Variants in NAALADL2 observed in about 807,000 individuals in gnomAD.
NAALADL2 encodes the protein N-acetylated alpha-linked acidic dipeptidase like 2.
NAALADL2 carries 76 observed loss-of-function variants against 87.2 expected under a neutral mutation model. The observed-to-expected ratio is 0.87, with a 90% CI of 0.72 to 1.05. The LOEUF (loss-of-function observed/expected upper bound fraction) is 1.05, where lower values mean the gene tolerates loss of function less well. Among genes scored for constraint, NAALADL2 ranks in the 50% least tolerant of loss-of-function variants. The pLI, the probability that NAALADL2 is intolerant of heterozygous loss-of-function variation, is 0.00. For synonymous variants in NAALADL2, 354 were observed against 331.0 expected (o/e 1.07, Z -0.75); for missense variants, 1,089 against 945.8 (o/e 1.15, Z -1.99).
At chr3:174,487,504 G>A (rs532637981) in intron 1 of NAALADL2, among the ~76,000 whole-genome samples, 2 of 151,986 alleles carry the variant, frequency 1.3e-5, no homozygotes, top group African/African-American at 2.4e-5. Context: ...TTGATGTCAC[G>A]TGAAGTATAC....
intron 2 of NAALADL2, among the ~76,000 whole-genome samples, chr3:174,644,945 A>G (rs1723625441): frequency 6.6e-6 from 1 of 152,186 alleles, no homozygotes; most frequent in Admixed American, 6.5e-5. Flanking sequence ...GATACCTGAG[A>G]TAAGAGTTGT....
chr3:175,343,843 A>G (rs1762854378), intron 5 of NAALADL2, among the ~76,000 whole-genome samples: 1 of 151,812 alleles, frequency 6.6e-6, no homozygotes, highest in Admixed American at 6.6e-5. Context: ...ACAGAATTAC[A>G]AGTTGAATGA....
intron 9 of NAALADL2, among the ~76,000 whole-genome samples, chr3:175,534,063 AAT>A (rs1734464386): frequency 1.3e-5 from 2 of 150,750 alleles, no homozygotes; most frequent in South Asian, 2.1e-4. Context: ...ATTTATAATA[AAT>A]AAATTATTTA....
chr3:175,355,331 A>C (rs576578747), intron 5 of NAALADL2, among the ~76,000 whole-genome samples: 4 of 152,148 alleles, frequency 2.6e-5, no homozygotes, highest in Non-Finnish European at 5.9e-5. Context: ...CCTCCTCCCA[A>C]AGTGCTGTGA....
chr3:174,743,553 G>A (rs1314857010), intron 3 of NAALADL2, among the ~76,000 whole-genome samples: 1 of 151,756 alleles, frequency 6.6e-6, no homozygotes, highest in Non-Finnish European at 1.5e-5. Flanking sequence ...AAACAACTCA[G>A]ATGTCATTAG....
chr3:175,404,092 T>A (rs1435743349), intron 5 of NAALADL2, among the ~76,000 whole-genome samples: 1 of 152,082 alleles, frequency 6.6e-6, no homozygotes, highest in African/African-American at 2.4e-5. Context: ...TGGTTTAGTT[T>A]CTGAGCCCCA....
intron 10 of NAALADL2, among the ~76,000 whole-genome samples, chr3:175,593,025 G>T (rs1215282207): frequency 2.0e-5 from 3 of 151,598 alleles, no homozygotes; most frequent in African/African-American, 7.3e-5. Flanking sequence ...TATATTTTAA[G>T]TTCCAAGGTA....
chr3:175,531,771 A>C (rs1467710441), intron 9 of NAALADL2, among the ~76,000 whole-genome samples: 1 of 152,222 alleles, frequency 6.6e-6, no homozygotes, highest in Non-Finnish European at 1.5e-5. Context: ...CTGGTACAAC[A>C]GCTGCAATTG....
chr3:175,728,174 G>A (rs896906145), intron 11 of NAALADL2, among the ~76,000 whole-genome samples: 3 of 152,168 alleles, frequency 2.0e-5, no homozygotes, highest in South Asian at 2.1e-4. Flanking sequence ...AGACAAACAG[G>A]TCTGTTTTTT....
intron 11 of NAALADL2, among the ~76,000 whole-genome samples, chr3:175,705,256 C>T (rs1476736085): frequency 6.6e-6 from 1 of 152,062 alleles, no homozygotes; most frequent in Non-Finnish European, 1.5e-5. Flanking sequence ...TAAAAAACGA[C>T]ATAGGAAATA....
At chr3:174,868,377 C>T (rs527383244) in intron 1 of NAALADL2, among the ~76,000 whole-genome samples, 3 of 152,170 alleles carry the variant, frequency 2.0e-5, no homozygotes, top group African/African-American at 7.2e-5. Flanking sequence ...GCATATGCCC[C>T]TTACTGGGTA....
intron 2 of NAALADL2, among the ~76,000 whole-genome samples, chr3:174,601,936 G>A (rs1030720145): frequency 2.0e-5 from 3 of 152,172 alleles, no homozygotes; most frequent in Admixed American, 6.5e-5. Context: ...CAGAAACTTC[G>A]TTGAAAATGA....
At chr3:174,902,609 G>A (rs956593075) in intron 1 of NAALADL2, among the ~76,000 whole-genome samples, 2 of 152,114 alleles carry the variant, frequency 1.3e-5, no homozygotes, top group Admixed American at 1.3e-4. Flanking sequence ...TCTATATTAA[G>A]GGAGATACTG....
At chr3:175,785,271 G>A (rs1751765333) in intron 13 of NAALADL2, among the ~76,000 whole-genome samples, 1 of 150,382 alleles carries the variant, frequency 6.6e-6, no homozygotes, top group Non-Finnish European at 1.5e-5. Flanking sequence ...TTGACTTTCT[G>A]TCTTGTTGAT....
rs142816555 is a variant in NAALADL2, at chr3:175,770,480, C to T, written c.2189+15062C>T. ...GAGAAGAAGGTCTGTTTGTGTATGT[C>T]TAGTTATATTTGGCTAATCCTAATG... On this transcript the variant is annotated intron_variant, in intron 13 of 13. Coordinates refer to ENST00000454872, the MANE Select transcript of NAALADL2 (RefSeq NM_207015.3). Among the ~76,000 whole-genome samples the T allele has an allele frequency of 1.4e-3, 209 of 152,278 alleles. 1 individual carries two copies. The highest frequency in any genetic ancestry group is 4.6e-3 in the African/African-American group (193 of 41,552).
intron 2 of NAALADL2, among the ~76,000 whole-genome samples, chr3:175,215,670 T>G (rs1742407999): frequency 6.6e-6 from 1 of 152,172 alleles, no homozygotes; most frequent in African/African-American, 2.4e-5. Context: ...GATTACCTGC[T>G]CACTCCTGGA....
intron 1 of NAALADL2, among the ~76,000 whole-genome samples, chr3:174,541,819 A>G (rs1722260659): frequency 6.6e-6 from 1 of 152,192 alleles, no homozygotes; most frequent in Non-Finnish European, 1.5e-5. Flanking sequence ...AGGGCAGATG[A>G]GCACCAAAAT....
chr3:175,774,023 C>G (rs1749875230), intron 13 of NAALADL2, among the ~76,000 whole-genome samples: 1 of 152,056 alleles, frequency 6.6e-6, no homozygotes. Context: ...GTCAAGGCAG[C>G]AAACTACATC....
chr3:175,586,276 A>AG, intron 10 of NAALADL2, among the ~76,000 whole-genome samples: 1 of 152,184 alleles, frequency 6.6e-6, no homozygotes, highest in Non-Finnish European at 1.5e-5. Context: ...CAAAGAAGAC[A>AG]TAGCCTTGAA....
Sources: gnomAD v4.1 joint callset for allele counts (sites outside exome capture counted in the v4.1 genomes callset) on GRCh38, gnomAD v4.1.1 for gene constraint, MANE v1.5 for transcripts, NCBI Gene and HGNC (gene_info 2026-07-23, HGNC 2026-07-21) for gene names.